The following FAM20A variants were observed in gnomAD, a reference collection of about 807,000 sequenced individuals.
FAM20A encodes pseudokinase FAM20A.
FAM20A carries 42 observed loss-of-function variants against 52.0 expected under a neutral mutation model. That is an observed-to-expected ratio of 0.81 (90% CI 0.63 to 1.04). The LOEUF (loss-of-function observed/expected upper bound fraction) is 1.04. Ranked by LOEUF, FAM20A falls within the 50% of genes least tolerant of loss-of-function variation. The pLI is 0.00. For synonymous variants in FAM20A, 304 were observed against 298.9 expected (o/e 1.02, Z -0.18); for missense variants, 742 against 712.7 (o/e 1.04, Z -0.47).
intron 3 of FAM20A, among the ~76,000 whole-genome samples, chr17:68,552,639 C>G (rs564715098): frequency 2.7e-5 from 4 of 150,932 alleles, no homozygotes; most frequent in Non-Finnish European, 5.9e-5. Flanking sequence ...AAAAGGGAAG[C>G]CTGGAGCCCT....
chr17:68,542,017 C>T lies in FAM20A; in HGVS notation c.1077G>A (p.Trp359Ter). The T allele has an allele frequency of 6.2e-7, 1 of 1,613,920 alleles. No homozygotes were observed. Among genetic ancestry groups the T allele is most frequent in the African/African-American group, 1.3e-5 (1 of 75,014 alleles). Residue 359 changes from tryptophan to a stop codon, truncating the protein, a stop_gained, in exon 7 of 11, where the codon TGG becomes TGA. Transcript: ENST00000592554. LOFTEE classifies it high-confidence loss of function. ...LAPRLSVPNPWIRSYTLAGKE... is the reference protein window; with the variant it reads ...LAPRLSVPNP ...TTCCTGCCAGTGTGTAGGAGCGGAT[C>T]CAGGGGTTGGGCACAGACAGCCTGG...
rs914381904 is a variant in FAM20A, at chr17:68,552,976, C to T, written c.641-1025G>A. ...GATTACAGGCGTGAGCCACCGTGCCCGGCCTAAACCTTTATTTTCAAACCT... is the reference window on the plus strand; with the variant it reads ...GATTACAGGCGTGAGCCACCGTGCCTGGCCTAAACCTTTATTTTCAAACCT... On this transcript the variant is annotated intron_variant, in intron 3 of 10. Transcript: ENST00000592554. Among the ~76,000 whole-genome samples, 11 of 145,100 alleles carry T rather than the reference C, an allele frequency of 7.6e-5. 1 individual carries two copies. The South Asian group carries it at 1.1e-3, about 15-fold the overall frequency.
At chr17:68,571,990 A>ACATATATATAT (rs2087557455) in intron 1 of FAM20A, among the ~76,000 whole-genome samples, 6 of 6,592 alleles carry the variant, frequency 9.1e-4, no homozygotes, top group African/African-American at 3.1e-3. Context: ...ATACATACAT[A>ACATATATATAT]TATATATATA....
chr17:68,574,121 G>A (rs1210610789), intron 1 of FAM20A, among the ~76,000 whole-genome samples: 1 of 151,982 alleles, frequency 6.6e-6, no homozygotes, highest in Non-Finnish European at 1.5e-5. Flanking sequence ...CTGTACTGCA[G>A]TGGAGCTATC....
rs766919608 is a variant in FAM20A, at chr17:68,600,429, G to A, written c.238C>T (p.Pro80Ser). 3 of 1,611,306 alleles carry A rather than the reference G, an allele frequency of 1.9e-6. No homozygotes were observed. The African/African-American group carries it at 4.0e-5, about 22-fold the overall frequency. Residue 80 changes from proline (P) to serine (S), a missense_variant, in exon 1 of 11, where the codon CCG becomes TCG. Transcript: ENST00000592554. This position sits in a 1 kb window ranked among gnomAD's most constrained non-coding sequence, Gnocchi z 6.2. ...NFSRTEPRTEPAGGSHSGSSS... is the reference protein window; with the variant it reads ...NFSRTEPRTESAGGSHSGSSS... ...GACCCGCTGTGGCTGCCGCCAGCCG[G>A]TTCAGTCCGGGGCTCGGTTCGGGAA...
intron 7 of FAM20A, 64 bp downstream of exon 7, chr17:68,541,921 T>C (rs1267858109): frequency 6.5e-7 from 1 of 1,534,610 alleles, no homozygotes; most frequent in African/African-American, 1.4e-5. Context: ...TAGCAACAAG[T>C]CCCTGGTACA....
At chr17:68,555,871 A>T in intron 1 of FAM20A, 128 bp from the exon 2 acceptor site, 1 of 1,133,134 alleles carries the variant, frequency 8.8e-7, no homozygotes, top group South Asian at 1.3e-5. Flanking sequence ...AATGAGGGCT[A>T]GGCTTTAAGC....
At position 68,575,554 on chromosome 17, in the gene FAM20A, ATATATTTTATATATTATATAATATATTC is replaced by A. The variant is rs1302128944; in HGVS notation, c.405-19839_405-19812del. Among the ~76,000 whole-genome samples the A allele has an allele frequency of 9.7e-4, 104 of 106,802 alleles. 1 individual carries two copies. Among genetic ancestry groups the A allele is most frequent in the Non-Finnish European group, 1.5e-3 (83 of 55,980 alleles). The allele number at this position is 106,802 out of a possible 152,430, so 70.1% of individuals were successfully genotyped here. On this transcript the variant is annotated intron_variant, in intron 1 of 10. Transcript: ENST00000592554. ...ATATATATTTTATATATTATATAAT[ATATATTTTATATATTATATAATATATTC>A]TATATTTTATACATTATATATAATA...
chr17:68,540,675 A>G, intron 8 of FAM20A, 174 bp downstream of exon 8: 1 of 799,188 alleles, frequency 1.3e-6, no homozygotes, highest in African/African-American at 1.7e-5. Flanking sequence ...CTTTGAAGAG[A>G]GGGGAGCCTG....
chr17:68,581,352 TTCTTTCTTTC>T (rs1011688521), intron 1 of FAM20A, among the ~76,000 whole-genome samples: 2 of 85,288 alleles, frequency 2.3e-5, no homozygotes, highest in African/African-American at 8.6e-5. Flanking sequence ...AATGCAGTTT[TTCTTTCTTTC>T]TTTCTTTCTT....
At chr17:68,547,360 A>C (rs1600547676) in intron 4 of FAM20A, among the ~76,000 whole-genome samples, 1 of 152,290 alleles carries the variant, frequency 6.6e-6, no homozygotes, top group East Asian at 1.9e-4. Flanking sequence ...TGTTCTTTGA[A>C]TCTTTGAAGT....
At chr17:68,587,432 C>T (rs1230759740) in intron 1 of FAM20A, among the ~76,000 whole-genome samples, 2 of 152,168 alleles carry the variant, frequency 1.3e-5, no homozygotes, top group Non-Finnish European at 2.9e-5. Context: ...CTATGGAGCA[C>T]AAAATTTTTA....
chr17:68,575,551 AAT>A (rs1166355128), intron 1 of FAM20A, among the ~76,000 whole-genome samples: 26 of 109,336 alleles, frequency 2.4e-4, no homozygotes, highest in South Asian at 2.4e-4. Flanking sequence ...TATATTATAT[AAT>A]ATATATTTTA....
chr17:68,544,669 A>T (rs2952317), intron 4 of FAM20A, among the ~76,000 whole-genome samples: 1 of 152,028 alleles, frequency 6.6e-6, no homozygotes, highest in East Asian at 1.9e-4. Flanking sequence ...AGGTGCTGCC[A>T]AAAGTAGAGA....
In FAM20A at chr17:68,600,923, G is replaced by C. The variant is rs560686300; in HGVS notation, c.-257C>G. Reference sequence around the variant, plus strand: ...CCGCGCCGAGTGAGCCGAGGGAATGGGGTTCCCGGGGTGCCCGCTTCTTGC... The same window carrying C: ...CCGCGCCGAGTGAGCCGAGGGAATGCGGTTCCCGGGGTGCCCGCTTCTTGC... On this transcript the variant is annotated 5_prime_UTR_variant, in exon 1 of 11. Transcript: ENST00000592554. The surrounding 1 kb of genome is among the most constrained non-coding windows in gnomAD (Gnocchi z 6.2). 1.2e-3 allele frequency: 542 copies of C among 435,002 alleles called. 10 individuals carry two copies. The East Asian group carries it at 0.019, about 16-fold the overall frequency. 26.9% of individuals were successfully genotyped at this position (435,002 alleles called of 1,614,324 possible).
At chr17:68,586,756 G>A (rs1250935659) in intron 1 of FAM20A, among the ~76,000 whole-genome samples, 1 of 152,134 alleles carries the variant, frequency 6.6e-6, no homozygotes, top group East Asian at 1.9e-4. Context: ...GTTGTTTTAG[G>A]CCACCCACAG....
chr17:68,553,977 CAT>C (rs2086964423), intron 3 of FAM20A, among the ~76,000 whole-genome samples: 1 of 116,472 alleles, frequency 8.6e-6, no homozygotes, highest in South Asian at 2.5e-4. Flanking sequence ...TATATACACA[CAT>C]GCATATATAC....
In FAM20A at chr17:68,536,439, G is replaced by A. The variant is rs1457608093; in HGVS notation, c.*1038C>T. 6 of 454,160 alleles carry A rather than the reference G, an allele frequency of 1.3e-5. No individual in the cohort carries two copies. The Admixed American group carries it at 1.4e-4, about 11-fold the overall frequency. 28.1% of individuals were successfully genotyped at this position (454,160 alleles called of 1,614,324 possible). On this transcript the variant is annotated 3_prime_UTR_variant, in exon 11 of 11. Coordinates refer to ENST00000592554, the MANE Select transcript of FAM20A (RefSeq NM_017565.4). The stretch of plus-strand genomic sequence containing the variant: ...GTTTCAGATATCAACAAGTCAGGGA[G>A]AAGGTAGAGGAGACAAGGAATCCCT...
intron 1 of FAM20A, among the ~76,000 whole-genome samples, chr17:68,564,529 C>T (rs1257541871): frequency 1.3e-5 from 2 of 152,170 alleles, no homozygotes; most frequent in African/African-American, 2.4e-5. Context: ...GCATTAGACA[C>T]CACCACAATT....
Sources: allele counts gnomAD v4.1 joint callset (sites outside exome capture counted in the v4.1 genomes callset), GRCh38; gene constraint gnomAD v4.1.1; non-coding constraint Gnocchi (gnomAD v3.1); transcripts MANE v1.5; gene names NCBI Gene and HGNC (gene_info 2026-07-23, HGNC 2026-07-21).